The following ASCC3 variants were observed in gnomAD, a reference collection of about 807,000 sequenced individuals.
The protein encoded by ASCC3 is activating signal cointegrator 1 complex subunit 3.
A neutral mutation model predicts 256.3 loss-of-function variants in ASCC3; 158 were observed. The ratio of observed to expected loss-of-function variants is 0.62; its 90% CI spans 0.54 to 0.70. The LOEUF is 0.70. ASCC3 is among the 30% of genes least tolerant of loss of function. The pLI is 0.00. For synonymous variants in ASCC3, 948 were observed against 883.4 expected, an observed-to-expected ratio of 1.07 and a Z score of -1.30; for missense variants, 2,259 against 2,626.0, an observed-to-expected ratio of 0.86 and a Z score of 3.05.
intron 11 of ASCC3, among the ~76,000 whole-genome samples, chr6:100,722,596 A>AGTT (rs1404261480): frequency 1.3e-5 from 2 of 151,804 alleles, no homozygotes; most frequent in African/African-American, 4.8e-5. Context: ...AGCACTTAGA[A>AGTT]CTATGTAGCT....
chr6:100,871,953 G>T (rs1773763477), intron 1 of ASCC3, among the ~76,000 whole-genome samples: 1 of 152,182 alleles, frequency 6.6e-6, no homozygotes, highest in African/African-American at 2.4e-5. Context: ...AGGAAGTAAG[G>T]TATACAATGG....
chr6:100,681,792 G>T (rs1351045659), intron 13 of ASCC3, among the ~76,000 whole-genome samples: 1 of 145,586 alleles, frequency 6.9e-6, no homozygotes, highest in Non-Finnish European at 1.5e-5. Context: ...ATTTATTTCA[G>T]AAAGTTTGCA....
At position 100,646,690 on chromosome 6, in the gene ASCC3, T is replaced by A. The variant is rs761471038; in HGVS notation, c.3558A>T (p.Ala1186=). Residue 1186 remains alanine, a synonymous_variant, in exon 22 of 42, where the codon GCA becomes GCT. Coordinates refer to ENST00000369162, the MANE Select transcript of ASCC3 (RefSeq NM_006828.4). ...VHQIPSVMME[A]SIQPITRTVL... ...CAGTCCTTGTGATAGGCTGAATGGATGCTTCCATCATAACAGAAGGAATCT... is the reference window on the plus strand; with the variant it reads ...CAGTCCTTGTGATAGGCTGAATGGAAGCTTCCATCATAACAGAAGGAATCT... 9.3e-6 allele frequency: 15 copies of A among 1,613,690 alleles called. No homozygotes were observed. The South Asian group carries it at 1.6e-4, about 18-fold the overall frequency.
intron 24 of ASCC3, among the ~76,000 whole-genome samples, chr6:100,639,596 C>G (rs910708093): frequency 1.3e-5 from 2 of 152,096 alleles, no homozygotes; most frequent in Admixed American, 6.6e-5. Flanking sequence ...AAGAAATAAT[C>G]CATAAGGTAA....
chr6:100,862,856 T>A (rs1773291316), intron 3 of ASCC3, among the ~76,000 whole-genome samples: 1 of 152,178 alleles, frequency 6.6e-6, no homozygotes, highest in Admixed American at 6.5e-5. Flanking sequence ...ATTAAGGAAG[T>A]AATTTTTTAG....
chr6:100,792,360 A>AT (rs905740190), intron 8 of ASCC3, among the ~76,000 whole-genome samples: 7 of 151,608 alleles, frequency 4.6e-5, no homozygotes, highest in African/African-American at 1.7e-4. Flanking sequence ...AAATGTATGA[A>AT]TTTTTTTTGG....
At chr6:100,699,383 C>G (rs992379660) in intron 13 of ASCC3, among the ~76,000 whole-genome samples, 1 of 152,144 alleles carries the variant, frequency 6.6e-6, no homozygotes, top group African/African-American at 2.4e-5. Flanking sequence ...TAAGACATGA[C>G]TTGCTTCTCC....
In ASCC3 at chr6:100,800,299, C is replaced by G; in HGVS notation, c.1127+1G>C. The G allele has an allele frequency of 6.2e-7, 1 of 1,612,410 alleles. No individual in the cohort carries two copies. Among genetic ancestry groups the G allele is most frequent in the Non-Finnish European group, 8.5e-7 (1 of 1,178,972 alleles). ...ATTTTTCAGCTCCTGGCTTTTATTACCTTTGTATCCGCAATTCCTTAGGAT... is the reference window on the plus strand; with the variant it reads ...ATTTTTCAGCTCCTGGCTTTTATTAGCTTTGTATCCGCAATTCCTTAGGAT... On this transcript the variant is annotated splice_donor_variant, in intron 6 of 41. Coordinates refer to ENST00000369162, the MANE Select transcript of ASCC3 (RefSeq NM_006828.4). LOFTEE classifies it high-confidence loss of function.
intron 4 of ASCC3, among the ~76,000 whole-genome samples, chr6:100,821,182 CTAAT>C (rs1771020790): frequency 6.6e-6 from 1 of 152,134 alleles, no homozygotes; most frequent in Non-Finnish European, 1.5e-5. Flanking sequence ...ACACACTCAG[CTAAT>C]TATTTTTTTT....
At chr6:100,655,092 T>C (rs774456322) in intron 17 of ASCC3, among the ~76,000 whole-genome samples, 2 of 151,926 alleles carry the variant, frequency 1.3e-5, no homozygotes, top group Non-Finnish European at 2.9e-5. Context: ...ATTTACAATA[T>C]ATGAAGCAGA....
At position 100,799,498 on chromosome 6, in the gene ASCC3, T is replaced by C. The variant is rs760558061; in HGVS notation, c.1202A>G (p.His401Arg). The change falls in exon 7 of 42, where the codon CAT (histidine) becomes CGT (arginine). Residue 401 changes from histidine (H) to arginine (R), a missense_variant. Around this residue, in one of 2 missense-constraint regions of ASCC3, gnomAD observed 1,839 missense variants for 2,206.7 expected, o/e 0.83. Coordinates refer to ENST00000369162, the MANE Select transcript of ASCC3 (RefSeq NM_006828.4). ...CTGGGAATCATACACATGGGGATAA[T>C]GTATTTTTTCAACGTCTGCATCTCT... ...RQRDADVEKI[H>R]YPHVYDSQAE... 5 of 1,613,126 alleles carry C rather than the reference T, an allele frequency of 3.1e-6. No individual in the cohort carries two copies. The highest frequency in any genetic ancestry group is 1.7e-5 in the Admixed American group (1 of 59,924).
chr6:100,818,477 G>A (rs1187342830), intron 4 of ASCC3, among the ~76,000 whole-genome samples: 1 of 149,546 alleles, frequency 6.7e-6, no homozygotes, highest in Non-Finnish European at 1.5e-5. Context: ...TGAGGCAGGA[G>A]AACCGCTTGA....
chr6:100,632,086 A>C (rs1774577151), intron 25 of ASCC3, among the ~76,000 whole-genome samples: 1 of 151,708 alleles, frequency 6.6e-6, no homozygotes, highest in Non-Finnish European at 1.5e-5. Flanking sequence ...TACTACATAA[A>C]AAAACTGTTA....
chr6:100,608,118 C>CATATATATGTATATATATAGA (rs1773044100), intron 30 of ASCC3, among the ~76,000 whole-genome samples: 1 of 23,350 alleles, frequency 4.3e-5, no homozygotes, highest in Non-Finnish European at 9.3e-5. Flanking sequence ...GTATATATAT[C>CATATATATGTATATATATAGA]TATATATACA....
intron 37 of ASCC3, 80 bp downstream of exon 37, chr6:100,540,083 C>T (rs1775372230): frequency 5.3e-6 from 7 of 1,315,752 alleles, no homozygotes; most frequent in African/African-American, 1.5e-5. Flanking sequence ...AATGCAAGTA[C>T]ATTTTATCCT....
At chr6:100,606,713 G>A (rs1772905244) in intron 32 of ASCC3, 27 bp downstream of exon 32, 2 of 1,581,414 alleles carry the variant, frequency 1.3e-6, no homozygotes, top group Non-Finnish European at 1.7e-6. Context: ...AGAGCTTCAT[G>A]TATTTCTGTG....
intron 5 of ASCC3, among the ~76,000 whole-genome samples, chr6:100,804,229 T>G (rs2114358427): frequency 6.6e-6 from 1 of 152,200 alleles, no homozygotes; most frequent in East Asian, 1.9e-4. Context: ...AGCAAAAATT[T>G]AAAAAGTAGG....
chr6:100,514,987 A>G (rs144354477), intron 39 of ASCC3, among the ~76,000 whole-genome samples: 63 of 152,326 alleles, frequency 4.1e-4, no homozygotes, highest in Non-Finnish European at 7.3e-4. Context: ...AGCACTTTTG[A>G]GCCAAATAAC....
chr6:100,605,851 G>A (rs1237507289), intron 32 of ASCC3, 151 bp from the exon 33 acceptor site: 1 of 781,232 alleles, frequency 1.3e-6, no homozygotes, highest in South Asian at 2.0e-5. Context: ...CTACTACTAC[G>A]TTGAGTTCCC....
Sources: gnomAD v4.1 joint callset for allele counts (sites outside exome capture counted in the v4.1 genomes callset) on GRCh38, gnomAD v4.1.1 for gene constraint, gnomAD v4.1.1 regional missense constraint, MANE v1.5 for transcripts, NCBI Gene and HGNC (gene_info 2026-07-23, HGNC 2026-07-21) for gene names.